ATP13A4: variants seen among roughly 807,000 people sequenced by gnomAD.
ATP13A4 encodes probable cation-transporting ATPase 13A4.
ATP13A4 carries 114 observed loss-of-function variants against 142.5 expected under a neutral mutation model. The ratio of observed to expected loss-of-function variants is 0.80; its 90% CI spans 0.69 to 0.93. The LOEUF (loss-of-function observed/expected upper bound fraction) is 0.93, where lower values mean the gene tolerates loss of function less well. Among genes scored for constraint, ATP13A4 ranks in the 40% least tolerant of loss-of-function variants. ATP13A4 has a pLI of 0.00. For missense variants in ATP13A4, 1,392 were observed against 1,454.0 expected, an observed-to-expected ratio of 0.96 and a Z score of 0.69; for synonymous variants, 488 against 514.8, an observed-to-expected ratio of 0.95 and a Z score of 0.70.
chr3:193,454,360 A>G (rs1576979947), intron 16 of ATP13A4, 148 bp from the exon 17 acceptor site: 3 of 694,706 alleles, frequency 4.3e-6, no homozygotes, highest in Non-Finnish European at 7.8e-6. Context: ...TCTAAACATA[A>G]CTACATTGTC....
chr3:193,492,091 T>C (rs1252620461), intron 5 of ATP13A4, among the ~76,000 whole-genome samples: 3 of 152,206 alleles, frequency 2.0e-5, no homozygotes, highest in Non-Finnish European at 4.4e-5. Flanking sequence ...TCTCAAACTT[T>C]AATGTTTATA....
chr3:193,458,945 T>C (rs1717791216), intron 14 of ATP13A4, 136 bp downstream of exon 14: 4 of 1,149,152 alleles, frequency 3.5e-6, no homozygotes, highest in South Asian at 2.5e-5. Flanking sequence ...CAGCCTTAGA[T>C]TGGTTTGCCC....
intron 1 of ATP13A4, among the ~76,000 whole-genome samples, chr3:193,589,651 A>C (rs1337403146): frequency 6.6e-6 from 1 of 152,158 alleles, no homozygotes; most frequent in Non-Finnish European, 1.5e-5. Flanking sequence ...TAGTAAAATT[A>C]TTTCATGACT....
chr3:193,580,222 T>C (rs940236391), intron 2 of ATP13A4, among the ~76,000 whole-genome samples: 1 of 152,152 alleles, frequency 6.6e-6, no homozygotes, highest in East Asian at 1.9e-4. Flanking sequence ...TGAAAGTGGA[T>C]TAATTTTGTC....
At chr3:193,503,840 T>C (rs1285883326) in intron 2 of ATP13A4, among the ~76,000 whole-genome samples, 1 of 152,120 alleles carries the variant, frequency 6.6e-6, no homozygotes, top group African/African-American at 2.4e-5. Flanking sequence ...CTAATTACTC[T>C]GGGTGATCTC....
Position 193,438,529 on chromosome 3 carries a change from G to A in ATP13A4, c.2618C>T (p.Ala873Val). Residue 873 changes from alanine to valine, a missense_variant, in exon 23 of 30, where the codon GCC (alanine) becomes GTC (valine). Physicochemically the swap from Ala to Val is moderately conservative, Grantham distance 64 (BLOSUM62 0). Coordinates refer to ENST00000342695, the MANE Select transcript of ATP13A4 (RefSeq NM_032279.4). ...ISLSEQEASV[A>V]SPFTSKTPNI... ...TGGAGTTTTGGAAGTGAAAGGTGAGGCCACAGATGCCTCCTGCTCTGATAA... is the reference window on the plus strand; with the variant it reads ...TGGAGTTTTGGAAGTGAAAGGTGAGACCACAGATGCCTCCTGCTCTGATAA... 1.2e-6 allele frequency: 2 copies of A among 1,614,146 alleles called. No individual in the cohort carries two copies. The highest frequency in any genetic ancestry group is 1.7e-6 in the Non-Finnish European group (2 of 1,180,024).
intron 18 of ATP13A4, among the ~76,000 whole-genome samples, chr3:193,445,970 A>C (rs1192527450): frequency 0.029 from 2 of 68 alleles, no homozygotes; most frequent in African/African-American, 0.071. Context: ...ACTGGGTGCA[A>C]AAAAAAAAAA....
intron 25 of ATP13A4, among the ~76,000 whole-genome samples, chr3:193,417,580 A>C (rs1221475447): frequency 3.3e-5 from 5 of 152,220 alleles, no homozygotes; most frequent in Admixed American, 3.3e-4. Context: ...CTAACATCAT[A>C]CTCAAGGGTA....
intron 2 of ATP13A4, among the ~76,000 whole-genome samples, chr3:193,575,119 C>T (rs917572994): frequency 3.3e-5 from 5 of 152,126 alleles, no homozygotes; most frequent in Non-Finnish European, 5.9e-5. Context: ...GTGGATATAC[C>T]ATTTGAAGAG....
At chr3:193,488,416 C>T (rs1014353458) in intron 7 of ATP13A4, among the ~76,000 whole-genome samples, 1 of 152,118 alleles carries the variant, frequency 6.6e-6, no homozygotes, top group Non-Finnish European at 1.5e-5. Flanking sequence ...AGGACCTGAA[C>T]ACTGGGAAGT....
At chr3:193,557,161 T>A (rs1723920035), upstream of ATP13A4, among the ~76,000 whole-genome samples, 1 of 152,234 alleles carries the variant, frequency 6.6e-6, no homozygotes, top group South Asian at 2.1e-4. Flanking sequence ...CTACAATATT[T>A]AAGCTAAACT....
intron 9 of ATP13A4, among the ~76,000 whole-genome samples, chr3:193,468,600 A>T (rs1427680539): frequency 2.6e-5 from 4 of 152,094 alleles, no homozygotes; most frequent in Admixed American, 6.5e-5. Flanking sequence ...ATACAAAATC[A>T]GCCGGGTGTG....
At chr3:193,580,316 G>C (rs2108745996) in intron 2 of ATP13A4, among the ~76,000 whole-genome samples, 1 of 152,250 alleles carries the variant, frequency 6.6e-6, no homozygotes, top group African/African-American at 2.4e-5. Flanking sequence ...TGGTGTTTGT[G>C]AGTTGGACCA....
rs1273025078 is a variant in ATP13A4, at chr3:193,414,630, G to A, written c.2963C>T (p.Ala988Val). ...CTGCCTCTGAACCAGGATGAAGCCT[G>A]CAATATGCATGGCCAGGCTGAGAAG... is the stretch of plus-strand genomic sequence containing the variant. ...NILLSLAMHI[A>V]GFILVQRQPW... The change falls in exon 26 of 30, where the codon GCA becomes GTA. Residue 988 changes from alanine (A) to valine (V), a missense_variant. Ala to Val is a moderately conservative substitution (Grantham distance 64). Transcript: ENST00000342695. The A allele has an allele frequency of 1.9e-6, 3 of 1,614,112 alleles. No homozygotes were observed. The East Asian group carries it at 6.7e-5, about 36-fold the overall frequency.
chr3:193,436,827 G>A (rs559789285), intron 23 of ATP13A4, among the ~76,000 whole-genome samples: 3 of 150,022 alleles, frequency 2.0e-5, no homozygotes, highest in East Asian at 4.0e-4. Context: ...CCCCGGGGCC[G>A]GGCGCGGTGG....
At chr3:193,557,979 G>A (rs1723938583), upstream of ATP13A4, among the ~76,000 whole-genome samples, 1 of 152,184 alleles carries the variant, frequency 6.6e-6, no homozygotes, top group African/African-American at 2.4e-5. Flanking sequence ...GAAGAAGAGG[G>A]GAGTGACATG....
intron 21 of ATP13A4, among the ~76,000 whole-genome samples, chr3:193,439,870 C>T (rs761230968): frequency 2.0e-5 from 3 of 152,092 alleles, no homozygotes; most frequent in African/African-American, 2.4e-5. Flanking sequence ...AGCCTGATAA[C>T]GGAATCAAAT....
At chr3:193,456,924 A>G (rs1389416238) in intron 16 of ATP13A4, 76 bp downstream of exon 16, 19 of 1,526,040 alleles carry the variant, frequency 1.2e-5, no homozygotes, top group Non-Finnish European at 1.6e-5. Flanking sequence ...GATTGAATTA[A>G]TAGATCAAAT....
At chr3:193,452,002 C>T (rs1416237222) in intron 17 of ATP13A4, among the ~76,000 whole-genome samples, 1 of 152,194 alleles carries the variant, frequency 6.6e-6, no homozygotes, top group Non-Finnish European at 1.5e-5. Context: ...GTTAGAATTT[C>T]AGTACCTTTA....
Sources: gnomAD v4.1 joint callset for allele counts (sites outside exome capture counted in the v4.1 genomes callset) on GRCh38, gnomAD v4.1.1 for gene constraint, MANE v1.5 for transcripts, NCBI Gene and HGNC (gene_info 2026-07-23, HGNC 2026-07-21) for gene names.